The following LANCL1 variants were observed in gnomAD, a reference collection of about 807,000 sequenced individuals.
The protein encoded by LANCL1 is glutathione S-transferase LANCL1.
In LANCL1, 50 loss-of-function variants were observed where a neutral mutation model predicts 50.6. The ratio of observed to expected loss-of-function variants is 0.99; its 90% confidence interval spans 0.79 to 1.25. The LOEUF is 1.25. Ranked by LOEUF, LANCL1 falls within the 50% of genes most tolerant of loss-of-function variation. LANCL1 has a pLI of 0.00. For missense variants in LANCL1, 532 were observed against 480.7 expected, an observed-to-expected ratio of 1.11 and a Z score of -1.00; for synonymous variants, 188 against 178.6, an observed-to-expected ratio of 1.05 and a Z score of -0.42.
intron 4 of LANCL1, among the ~76,000 whole-genome samples, chr2:210,442,063 C>T (rs903756451): frequency 9.2e-5 from 14 of 152,068 alleles, no homozygotes; most frequent in African/African-American, 3.4e-4. Flanking sequence ...CACCACCACA[C>T]CTGGCTAATT....
At chr2:210,469,249 G>A (rs932667770) in intron 3 of LANCL1, 2 of 152,146 alleles carry the variant, frequency 1.3e-5, no homozygotes, top group African/African-American at 2.4e-5. Flanking sequence ...ATGAATAAGT[G>A]ATACTTGGAA....
intron 6 of LANCL1, 83 bp downstream of exon 6, chr2:210,440,515 G>C (rs976541294): frequency 4.6e-6 from 6 of 1,318,568 alleles, no homozygotes; most frequent in African/African-American, 4.4e-5. Flanking sequence ...TGACAAACTA[G>C]AACTAGAATA....
chr2:210,440,401 C>A (rs1184756813), intron 6 of LANCL1, among the ~76,000 whole-genome samples, 197 bp downstream of exon 6: 1 of 152,148 alleles, frequency 6.6e-6, no homozygotes, highest in Non-Finnish European at 1.5e-5. Context: ...AACGCAGGGC[C>A]TTTAATGTTT....
intron 3 of LANCL1, among the ~76,000 whole-genome samples, chr2:210,470,096 C>T (rs1694180587): frequency 2.0e-5 from 3 of 151,942 alleles, no homozygotes; most frequent in South Asian, 2.1e-4. Context: ...GACAACTGTG[C>T]GCTGTGCTTG....
At chr2:210,461,492 A>G (rs970930844) in intron 3 of LANCL1, among the ~76,000 whole-genome samples, 16 of 152,306 alleles carry the variant, frequency 1.1e-4, no homozygotes, top group South Asian at 1.0e-3. Flanking sequence ...TAATACCCAC[A>G]TGTGAAATCT....
intron 4 of LANCL1, among the ~76,000 whole-genome samples, chr2:210,447,552 A>C (rs1693381907): frequency 6.6e-6 from 1 of 152,222 alleles, no homozygotes; most frequent in Admixed American, 6.5e-5. Context: ...TAAAATACAC[A>C]GACTGGCAAA....
rs1559708105 is a variant in LANCL1, at chr2:210,441,338, C to CAA, written c.512_513insTT (p.Glu172TrpfsTer17). 4.3e-6 allele frequency: 7 copies of CAA among 1,612,368 alleles called. No individual in the cohort carries two copies. ...GAATATGGCTTTGAGGAATCTTTTC[C>CAA]ACTCCAAAGTTCTTATTGACAAAAA... On this transcript the variant is annotated frameshift_variant, in exon 5 of 10. Transcript: ENST00000450366. LOFTEE classifies it high-confidence loss of function.
At chr2:210,455,810 G>GA (rs1693657092) in intron 3 of LANCL1, among the ~76,000 whole-genome samples, 1 of 125,976 alleles carries the variant, frequency 7.9e-6, no homozygotes, top group African/African-American at 2.8e-5. Context: ...GTGTGTGTGT[G>GA]TTTTTTTTTT....
intron 4 of LANCL1, among the ~76,000 whole-genome samples, chr2:210,445,319 G>A (rs944494599): frequency 1.3e-5 from 2 of 152,076 alleles, no homozygotes; most frequent in African/African-American, 2.4e-5. Flanking sequence ...CCACTAGGTG[G>A]CAATATATAA....
intron 3 of LANCL1, among the ~76,000 whole-genome samples, chr2:210,457,019 A>G (rs777897197): frequency 4.6e-5 from 7 of 152,158 alleles, no homozygotes; most frequent in Non-Finnish European, 8.8e-5. Context: ...ATAGGCAGAG[A>G]ATTATCTTTC....
chr2:210,437,838 C>A lies in LANCL1; in HGVS notation c.725G>T (p.Ser242Ile). 6.2e-7 allele frequency: 1 copy of A among 1,606,188 alleles called. No homozygotes were observed. The highest frequency in any genetic ancestry group is 2.2e-5 in the East Asian group (1 of 44,584). ...SLQVSQGKLH[S>I]LVKPSVDYVC... The stretch of plus-strand genomic sequence containing the variant: ...GTAGTCTACACTGGGCTTGACCAAA[C>A]TATGTAACTTCCCTTGGCTCACTTG... The change falls in exon 7 of 10, where the codon AGT (serine) becomes ATT (isoleucine). Residue 242 changes from serine (S) to isoleucine (I), a missense_variant. Physicochemically the swap from Ser to Ile is moderately radical, Grantham distance 142. Coordinates refer to ENST00000450366, the MANE Select transcript of LANCL1 (RefSeq NM_006055.3).
At chr2:210,455,346 T>C (rs754758766) in intron 3 of LANCL1, 32 bp from the exon 4 acceptor site, 2 of 1,548,808 alleles carry the variant, frequency 1.3e-6, no homozygotes, top group Admixed American at 1.8e-5. Flanking sequence ...AATGTAAAGA[T>C]GAGGAAAGGC....
rs1432235432 is a variant in LANCL1 at position 210,433,540 on chromosome 2, C to T, written c.*947G>A. The T allele has an allele frequency of 6.6e-6, 1 of 152,092 alleles. No homozygotes were observed. Among genetic ancestry groups the T allele is most frequent in the Non-Finnish European group, 1.5e-5 (1 of 68,020 alleles). 9.4% of individuals were successfully genotyped at this position (152,092 alleles called of 1,614,324 possible). On this transcript the variant is annotated 3_prime_UTR_variant, in exon 10 of 10. Transcript: ENST00000450366. ...TGATAGGAAGGAAAATATTTTATGG[C>T]TTATACCAAAGAGTCAGCACTAATG...
At chr2:210,451,358 T>A (rs1693506256) in intron 4 of LANCL1, among the ~76,000 whole-genome samples, 1 of 151,996 alleles carries the variant, frequency 6.6e-6, no homozygotes, top group Non-Finnish European at 1.5e-5. Flanking sequence ...AGCATTAGGA[T>A]AAATACTTAA....
At chr2:210,443,365 T>C (rs1693207116) in intron 4 of LANCL1, among the ~76,000 whole-genome samples, 1 of 152,204 alleles carries the variant, frequency 6.6e-6, no homozygotes, top group African/African-American at 2.4e-5. Context: ...AATTAGCCTA[T>C]AAATTTGATA....
Position 210,476,318 on chromosome 2 carries a change from T to TC in LANCL1, c.78dup (p.Arg27GlufsTer5). ...AGGCAGACATATCCTAAACTCACCC[T>TC]CCCGGCAGCATCAAAGTAGCCTTCG... is the stretch of plus-strand genomic sequence containing the variant. On this transcript the variant is annotated frameshift_variant, in exon 2 of 10. Coordinates refer to ENST00000450366, the MANE Select transcript of LANCL1 (RefSeq NM_006055.3). LOFTEE classifies it high-confidence loss of function. The TC allele has an allele frequency of 6.2e-7, 1 of 1,612,628 alleles. No homozygotes were observed. The highest frequency in any genetic ancestry group is 8.5e-7 in the Non-Finnish European group (1 of 1,178,642).
chr2:210,436,523 G>A lies in LANCL1; in HGVS notation c.874-131C>T, dbSNP rs1191440807. On this transcript the variant is annotated intron_variant, in intron 7 of 9. Coordinates refer to ENST00000450366, the MANE Select transcript of LANCL1 (RefSeq NM_006055.3). Reference sequence around the variant, plus strand: ...AAGGGTAAAGGATTTAGTGACAGAGGGATGTGTTATGTTGCTAGTGACAAT... The same window carrying A: ...AAGGGTAAAGGATTTAGTGACAGAGAGATGTGTTATGTTGCTAGTGACAAT... 8.4e-6 allele frequency: 7 copies of A among 838,206 alleles called. No individual in the cohort carries two copies. The Admixed American group carries it at 1.7e-4, about 20-fold the overall frequency. The allele number at this position is 838,206 out of a possible 1,614,324, so 51.9% of individuals were successfully genotyped here.
At chr2:210,466,959 G>A (rs1435766277) in intron 3 of LANCL1, among the ~76,000 whole-genome samples, 1 of 152,118 alleles carries the variant, frequency 6.6e-6, no homozygotes, top group Non-Finnish European at 1.5e-5. Context: ...AAAAGGTGGG[G>A]GATGGGGATG....
Position 210,461,702 on chromosome 2 carries a change from A to G in LANCL1, c.200-6388T>C, listed in dbSNP as rs1486522360. ...TAACTTTGTGAGTCGGTTACAGAAG[A>G]TTGGGTCATGTCTTTCAGAACAGAA... On this transcript the variant is annotated intron_variant, in intron 3 of 9. Transcript: ENST00000450366. Among the ~76,000 whole-genome samples, 3 of 152,068 alleles carry G rather than the reference A, an allele frequency of 2.0e-5. No individual in the cohort carries two copies. In the East Asian group the frequency reaches 5.8e-4, roughly 29 times the overall value.
Sources: gnomAD v4.1 joint callset for allele counts (sites outside exome capture counted in the v4.1 genomes callset) on GRCh38, gnomAD v4.1.1 for gene constraint, MANE v1.5 for transcripts, NCBI Gene and HGNC (gene_info 2026-07-23, HGNC 2026-07-21) for gene names.